The following DENND5A variants were observed in gnomAD, a reference collection of about 807,000 sequenced individuals.
DENND5A encodes the protein DENN domain-containing protein 5A.
In DENND5A, 64 loss-of-function variants were observed where a neutral mutation model predicts 140.3. The observed-to-expected ratio is 0.46, with a 90% CI of 0.37 to 0.56. The LOEUF is 0.56. Among genes scored for constraint, DENND5A ranks in the 20% least tolerant of loss-of-function variants. The pLI is 0.00. For missense variants in DENND5A, 1,292 were observed against 1,593.8 expected (o/e 0.81, Z 3.22); for synonymous variants, 605 against 607.7 (o/e 1.00, Z 0.07).
At chr11:9,183,694 C>T (rs904498549) in intron 5 of DENND5A, among the ~76,000 whole-genome samples, 8 of 152,244 alleles carry the variant, frequency 5.3e-5, no homozygotes, top group Middle Eastern at 6.8e-3. Context: ...CAGGTGTGAG[C>T]CACCACACCC....
Position 9,139,765 on chromosome 11 carries a change from T to A in DENND5A, c.3770A>T (p.His1257Leu). ...ACGAATCAAGGAATTGACAAGTGTA[T>A]GGTCTTTGATCAGTGCCACATCCTC... Reference protein sequence around the residue: ...MYEDVALIKDHTLVNSLIRVL... With the variant: ...MYEDVALIKDLTLVNSLIRVL... Residue 1257 changes from histidine to leucine, a missense_variant, in exon 23 of 23, where the codon CAT (histidine) becomes CTT (leucine). His to Leu is a moderately conservative substitution (Grantham distance 99, BLOSUM62 -3). Around this residue, in one of 4 missense-constraint regions of DENND5A, gnomAD observed 498 missense variants for 689.7 expected, o/e 0.72. Coordinates refer to ENST00000328194, the MANE Select transcript of DENND5A (RefSeq NM_015213.4). The A allele has an allele frequency of 6.2e-7, 1 of 1,614,136 alleles. No individual in the cohort carries two copies. Among genetic ancestry groups the A allele is most frequent in the Non-Finnish European group, 8.5e-7 (1 of 1,180,008 alleles).
chr11:9,149,249 C>A (rs764298584), intron 15 of DENND5A, among the ~76,000 whole-genome samples: 2 of 152,190 alleles, frequency 1.3e-5, no homozygotes, highest in Non-Finnish European at 2.9e-5. Flanking sequence ...AGCTGGAAAT[C>A]CCAGAGACTG....
At chr11:9,252,071 G>C (rs867923425) in intron 1 of DENND5A, among the ~76,000 whole-genome samples, 1 of 151,178 alleles carries the variant, frequency 6.6e-6, no homozygotes, top group Non-Finnish European at 1.5e-5. Context: ...AGGCCGAGGC[G>C]GGCGGATCAC....
intron 8 of DENND5A, chr11:9,171,600 C>T (rs1848375926): frequency 2.0e-5 from 3 of 152,188 alleles, no homozygotes; most frequent in Non-Finnish European, 2.9e-5. Flanking sequence ...ATAGCTTACG[C>T]CTGTAATCCC....
intron 5 of DENND5A, among the ~76,000 whole-genome samples, chr11:9,186,404 A>C (rs1590247785): frequency 1.3e-5 from 2 of 152,202 alleles, no homozygotes. Context: ...CTGTCCATAC[A>C]CCTAACAAAA....
chr11:9,240,023 A>T (rs1851167831), intron 1 of DENND5A, among the ~76,000 whole-genome samples: 1 of 152,144 alleles, frequency 6.6e-6, no homozygotes, highest in African/African-American at 2.4e-5. Flanking sequence ...CTCTATAGTA[A>T]ATTTTCCAAG....
At chr11:9,152,510 G>C (rs979171690) in intron 12 of DENND5A, 68 bp from the exon 13 acceptor site, 4 of 1,088,850 alleles carry the variant, frequency 3.7e-6, no homozygotes, top group Non-Finnish European at 5.7e-6. Flanking sequence ...TCAACATACA[G>C]ATAGAAGCTT....
intron 1 of DENND5A, among the ~76,000 whole-genome samples, chr11:9,237,027 T>C (rs1386583854): frequency 6.6e-6 from 1 of 151,924 alleles, no homozygotes; most frequent in Admixed American, 6.6e-5. Context: ...AACAGAAATA[T>C]GGACAAAAGG....
chr11:9,150,298 G>A (rs1847573036), intron 14 of DENND5A, 89 bp from the exon 15 acceptor site: 5 of 1,473,004 alleles, frequency 3.4e-6, no homozygotes, highest in African/African-American at 1.4e-5. Context: ...AAGGAGACCT[G>A]CTGAGACAGA....
At chr11:9,140,281 C>T in intron 22 of DENND5A, 4 of 1,153,154 alleles carry the variant, frequency 3.5e-6, no homozygotes, top group African/African-American at 1.6e-5. Flanking sequence ...TTATTATCCC[C>T]ACTTTATAGA....
At chr11:9,205,121 C>CATTTACTAATG in intron 3 of DENND5A, among the ~76,000 whole-genome samples, 1 of 152,264 alleles carries the variant, frequency 6.6e-6, no homozygotes, top group Admixed American at 6.5e-5. Context: ...ACTATCACCT[C>CATTTACTAATG]ACAAAATTCT....
chr11:9,201,562 C>A (rs1264471258), intron 4 of DENND5A, among the ~76,000 whole-genome samples: 1 of 151,808 alleles, frequency 6.6e-6, no homozygotes, highest in Non-Finnish European at 1.5e-5. Flanking sequence ...TCCAGCTACA[C>A]GGGAAGCTGA....
chr11:9,225,156 T>G lies in DENND5A; in HGVS notation c.110-17524A>C, dbSNP rs150201532. Among the ~76,000 whole-genome samples the G allele has an allele frequency of 2.2e-3, 336 of 152,300 alleles. 2 individuals are homozygous for G. Among genetic ancestry groups the G allele is most frequent in the Middle Eastern group, 0.01 (3 of 294 alleles). ...TAGAATTGCAACTAAAAATCACAAT[T>G]TTTGGCAACTAAATCACGCTTTTGC... On this transcript the variant is annotated intron_variant, in intron 1 of 22. Coordinates refer to ENST00000328194, the MANE Select transcript of DENND5A (RefSeq NM_015213.4).
At chr11:9,199,040 A>C (rs111895984) in intron 4 of DENND5A, among the ~76,000 whole-genome samples, 4,557 of 142,714 alleles carry the variant, frequency 0.032, 1,018 homozygotes, top group African/African-American at 0.11. Flanking sequence ...TTAGGCAACA[A>C]GAGCAAACTC....
chr11:9,258,289 C>A (rs550328866), intron 1 of DENND5A, among the ~76,000 whole-genome samples: 25 of 150,338 alleles, frequency 1.7e-4, no homozygotes, highest in East Asian at 7.8e-4. Context: ...CCCCACCCCC[C>A]CAACAGGCCC....
At chr11:9,182,535 A>T (rs1013359150) in intron 5 of DENND5A, among the ~76,000 whole-genome samples, 2 of 152,190 alleles carry the variant, frequency 1.3e-5, no homozygotes, top group Admixed American at 1.3e-4. Flanking sequence ...TTGTACATTT[A>T]ATTTAAATAC....
chr11:9,262,022 C>A (rs945633530), intron 1 of DENND5A, among the ~76,000 whole-genome samples: 2 of 152,008 alleles, frequency 1.3e-5, no homozygotes, highest in African/African-American at 4.8e-5. Flanking sequence ...TAAACTTTCA[C>A]AAGGATATAA....
chr11:9,231,601 G>A (rs181813472), intron 1 of DENND5A, among the ~76,000 whole-genome samples: 74 of 151,322 alleles, frequency 4.9e-4, no homozygotes, highest in African/African-American at 1.5e-3. Context: ...TGTAATCCTA[G>A]CTACTCAGGA....
chr11:9,145,421 C>A, intron 17 of DENND5A: 1 of 587,398 alleles, frequency 1.7e-6, no homozygotes, highest in Non-Finnish European at 3.0e-6. Flanking sequence ...GACTTCTCAA[C>A]ACACTATGCA....
Sources: allele counts gnomAD v4.1 joint callset (sites outside exome capture counted in the v4.1 genomes callset), GRCh38; gene constraint gnomAD v4.1.1; regional missense constraint gnomAD v4.1.1; transcripts MANE v1.5; gene names NCBI Gene and HGNC (gene_info 2026-07-23, HGNC 2026-07-21).